The following ASTN1 variants were observed in gnomAD, a reference collection of about 807,000 sequenced individuals.
ASTN1 encodes astrotactin-1.
Under a neutral mutation model 140.7 loss-of-function variants are expected in ASTN1, and 41 were observed. That is an observed-to-expected ratio of 0.29 (90% CI 0.23 to 0.38). The LOEUF (loss-of-function observed/expected upper bound fraction) is 0.38, where lower values mean the gene tolerates loss of function less well. Ranked by LOEUF, ASTN1 falls within the 10% of genes least tolerant of loss-of-function variation. The pLI is 1.00. For missense variants in ASTN1, 1,479 were observed against 1,678.8 expected, an observed-to-expected ratio of 0.88 and a Z score of 2.08; for synonymous variants, 640 against 652.2, an observed-to-expected ratio of 0.98 and a Z score of 0.29.
At chr1:177,063,907 G>A (rs1228357968) in intron 1 of ASTN1, among the ~76,000 whole-genome samples, 1 of 152,166 alleles carries the variant, frequency 6.6e-6, no homozygotes, top group Admixed American at 6.6e-5. Flanking sequence ...CCCGAGGGCA[G>A]GATTTATCTC....
At chr1:177,031,744 T>C (rs1676456288) in intron 3 of ASTN1, among the ~76,000 whole-genome samples, 1 of 152,214 alleles carries the variant, frequency 6.6e-6, no homozygotes, top group African/African-American at 2.4e-5. Flanking sequence ...CTGTCAAGGG[T>C]TTATCTATGG....
rs984899131 is a variant in ASTN1, at chr1:177,123,833, C to T, written c.283+40561G>A. ...CCAAACCTTTGGGAGGCCTCAGGAT[C>T]GATTTGTGAGCTAACCCCAGGCAGG... On this transcript the variant is annotated intron_variant, in intron 1 of 22. Transcript: ENST00000361833. Among the ~76,000 whole-genome samples the T allele has an allele frequency of 3.9e-5, 6 of 152,234 alleles. No homozygotes were observed. The South Asian group carries it at 6.2e-4, about 16-fold the overall frequency.
intron 16 of ASTN1, among the ~76,000 whole-genome samples, chr1:176,911,619 A>C (rs1324137790): frequency 6.6e-6 from 1 of 152,056 alleles, no homozygotes; most frequent in East Asian, 1.9e-4. Context: ...TTCCACCTCC[A>C]TATCTTGTCC....
Position 177,047,876 on chromosome 1 carries a change from G to A in ASTN1, c.471+13202C>T, listed in dbSNP as rs186071429. On this transcript the variant is annotated intron_variant, in intron 2 of 22. Coordinates refer to ENST00000361833, the MANE Select transcript of ASTN1 (RefSeq NM_004319.3). ...ATCTGTCCCTAAATAATGAAAATGC[G>A]CTACTTGTTTAGAAGACCTTCAAGT... is the stretch of plus-strand genomic sequence containing the variant. Among the ~76,000 whole-genome samples the A allele has an allele frequency of 9.9e-5, 15 of 152,208 alleles. No homozygotes were observed. In the East Asian group the frequency reaches 1.2e-3, roughly 12 times the overall value.
chr1:176,967,410 C>T (rs1001224454), intron 8 of ASTN1, among the ~76,000 whole-genome samples: 1 of 151,934 alleles, frequency 6.6e-6, no homozygotes, highest in African/African-American at 2.4e-5. Flanking sequence ...CCCTATAATC[C>T]CAGACACCTA....
chr1:177,081,531 G>T (rs1571755165), intron 1 of ASTN1, among the ~76,000 whole-genome samples: 3 of 152,136 alleles, frequency 2.0e-5, no homozygotes, highest in South Asian at 2.1e-4. Flanking sequence ...CTGAAAAGAA[G>T]AGGCAATATA....
chr1:176,905,283 G>A (rs149549868), intron 16 of ASTN1, among the ~76,000 whole-genome samples: 2,648 of 152,324 alleles, frequency 0.017, 40 homozygotes, highest in Admixed American at 0.04. Context: ...GTCTATGCAG[G>A]CGGGTGTCTC....
chr1:176,934,184 C>T lies in ASTN1; in HGVS notation c.2639G>A (p.Arg880Gln), dbSNP rs199937923. Residue 880 changes from arginine (R) to glutamine (Q), a missense_variant, in exon 16 of 23, where the codon CGA (arginine) becomes CAA (glutamine). Arg to Gln is a conservative substitution (Grantham distance 43). Transcript: ENST00000361833. ...GATGTCTTCATACTCCAGCCAGAGT[C>T]GCCGCTGGACCTGCTTGTTTGGGTA... ...IWYPNKQVQR[R>Q]LWLEYEDISK... The T allele has an allele frequency of 8.7e-5, 141 of 1,613,016 alleles. No homozygotes were observed. Among genetic ancestry groups the T allele is most frequent in the Middle Eastern group, 1.7e-4 (1 of 6,054 alleles).
chr1:176,892,296 C>T lies in ASTN1; in HGVS notation c.2940+2266G>A, dbSNP rs559702753. Among the ~76,000 whole-genome samples, 42 of 151,924 alleles carry T rather than the reference C, an allele frequency of 2.8e-4. 1 individual carries two copies. Among genetic ancestry groups the T allele is most frequent in the Middle Eastern group, 6.8e-3 (2 of 294 alleles). ...ATTCTGGGTGGTCTGTTAGGGAGAC[C>T]AGTGAGAAGATTACTTTAATGGGAT... On this transcript the variant is annotated intron_variant, in intron 17 of 22. Transcript: ENST00000361833.
intron 12 of ASTN1, among the ~76,000 whole-genome samples, chr1:176,947,484 AG>A (rs1295134750): frequency 2.0e-5 from 3 of 152,220 alleles, no homozygotes; most frequent in African/African-American, 7.2e-5. Flanking sequence ...CGCTATATAT[AG>A]TACCTTAGAT....
intron 1 of ASTN1, among the ~76,000 whole-genome samples, chr1:177,160,032 A>G (rs1390929226): frequency 6.6e-6 from 1 of 152,270 alleles, no homozygotes; most frequent in Non-Finnish European, 1.5e-5. Flanking sequence ...TAAAGATCAC[A>G]AAAGACTCCT....
chr1:176,912,017 A>C (rs994212257), intron 16 of ASTN1, among the ~76,000 whole-genome samples: 1 of 152,224 alleles, frequency 6.6e-6, no homozygotes, highest in Non-Finnish European at 1.5e-5. Flanking sequence ...ACTGTCATAT[A>C]CGTGGGCTTG....
intron 5 of ASTN1, among the ~76,000 whole-genome samples, chr1:177,026,589 G>C (rs982397128): frequency 1.3e-5 from 2 of 152,154 alleles, no homozygotes; most frequent in Non-Finnish European, 2.9e-5. Flanking sequence ...CTTCCAGACT[G>C]TTCTTCATAG....
At chr1:177,064,116 C>A (rs1207055465) in intron 1 of ASTN1, among the ~76,000 whole-genome samples, 1 of 152,140 alleles carries the variant, frequency 6.6e-6, no homozygotes, top group Non-Finnish European at 1.5e-5. Flanking sequence ...TGACACAGAA[C>A]AAAGGCTGAT....
chr1:176,917,126 T>C (rs1000222247), intron 16 of ASTN1, among the ~76,000 whole-genome samples: 2 of 152,228 alleles, frequency 1.3e-5, no homozygotes, highest in Non-Finnish European at 2.9e-5. Flanking sequence ...TGGAGCCTCC[T>C]CTTTGGTGCT....
At chr1:176,993,246 C>T (rs1479904839) in intron 8 of ASTN1, among the ~76,000 whole-genome samples, 3 of 152,218 alleles carry the variant, frequency 2.0e-5, no homozygotes, top group Admixed American at 6.5e-5. Flanking sequence ...TAAGGTATCA[C>T]AAACACAAAG....
In ASTN1 at chr1:176,965,059, G is replaced by A. The variant is rs1426475260; in HGVS notation, c.1598+104C>T. On this transcript the variant is annotated intron_variant, in intron 9 of 22. Coordinates refer to ENST00000361833, the MANE Select transcript of ASTN1 (RefSeq NM_004319.3). ...TTAGCAGGTGGTCGTGACAACTCAA[G>A]GTGTTTCCTATTTTATACTTTACCA... 5.6e-6 allele frequency: 6 copies of A among 1,081,046 alleles called. No individual in the cohort carries two copies. The African/African-American group carries it at 6.3e-5, about 11-fold the overall frequency. The allele number at this position is 1,081,046 out of a possible 1,614,324, so 67.0% of individuals were successfully genotyped here. A position where few individuals can be genotyped will look rare whatever the true frequency, so the allele number is the denominator to read the frequency against.
At chr1:177,155,128 T>C (rs769113306) in intron 1 of ASTN1, among the ~76,000 whole-genome samples, 14 of 152,180 alleles carry the variant, frequency 9.2e-5, no homozygotes, top group Non-Finnish European at 2.1e-4. Context: ...ACATACTTTA[T>C]TACAACTATA....
At position 177,084,639 on chromosome 1, in the gene ASTN1, C is replaced by T. The variant is rs78529228; in HGVS notation, c.284-23374G>A. Among the ~76,000 whole-genome samples the T allele has an allele frequency of 4.5e-3, 688 of 152,202 alleles. 6 individuals are homozygous for T. The highest frequency in any genetic ancestry group is 0.015 in the African/African-American group (629 of 41,532). The stretch of plus-strand genomic sequence containing the variant: ...CCCCTCTACCTGTGCCCTTGACCCC[C>T]TCCCTCACTTGCTACCTCCCGTGAT... On this transcript the variant is annotated intron_variant, in intron 1 of 22. Coordinates refer to ENST00000361833, the MANE Select transcript of ASTN1 (RefSeq NM_004319.3).
Sources: allele counts gnomAD v4.1 joint callset (sites outside exome capture counted in the v4.1 genomes callset), GRCh38; gene constraint gnomAD v4.1.1; transcripts MANE v1.5; gene names NCBI Gene and HGNC (gene_info 2026-07-23, HGNC 2026-07-21).